FMNL3: variants seen among roughly 807,000 people sequenced by gnomAD.
FMNL3 encodes formin-like protein 3.
FMNL3 carries 57 observed loss-of-function variants against 119.6 expected under a neutral mutation model. The observed-to-expected ratio is 0.48, with a 90% CI of 0.39 to 0.59. FMNL3 has a LOEUF of 0.59. Ranked by LOEUF, FMNL3 falls within the 20% of genes least tolerant of loss-of-function variation. The pLI is 0.00. For missense variants in FMNL3, 1,053 were observed against 1,323.5 expected, an observed-to-expected ratio of 0.80 and a Z score of 3.17; for synonymous variants, 491 against 507.3, an observed-to-expected ratio of 0.97 and a Z score of 0.43.
intron 2 of FMNL3, among the ~76,000 whole-genome samples, chr12:49,666,417 A>G (rs993484795): frequency 6.6e-6 from 1 of 152,134 alleles, no homozygotes; most frequent in African/African-American, 2.4e-5. Flanking sequence ...TCCTCCTCCA[A>G]TTAGTGCTCC....
At position 49,642,734 on chromosome 12, in the gene FMNL3, AAC is replaced by A; in HGVS notation, c.*3079_*3080del. The A allele has an allele frequency of 2.6e-6, 4 of 1,558,000 alleles. No homozygotes were observed. Among genetic ancestry groups the A allele is most frequent in the Non-Finnish European group, 2.6e-6 (3 of 1,143,268 alleles). On this transcript the variant is annotated 3_prime_UTR_variant, in exon 26 of 26. Coordinates refer to ENST00000335154, the MANE Select transcript of FMNL3 (RefSeq NM_175736.5). This position sits in a 1 kb window ranked among gnomAD's most constrained non-coding sequence, Gnocchi z 5.8. ...GCCCTTGAACTCATTAGACCAGTTC[AAC>A]AGAGACCTCAGTGGCCTCCCTCTTA...
rs1942677902 is a variant in FMNL3, at chr12:49,641,716, A to T, written c.*4099T>A. On this transcript the variant is annotated 3_prime_UTR_variant, in exon 26 of 26. Transcript: ENST00000335154. ...TTCAGCTCTGTGTGACATCCAAACCAAGGGTAGGCATGGGGGCTTAATTGT... is the reference window on the plus strand; with the variant it reads ...TTCAGCTCTGTGTGACATCCAAACCTAGGGTAGGCATGGGGGCTTAATTGT... 1.7e-6 allele frequency: 1 copy of T among 586,054 alleles called. No homozygotes were observed. The highest frequency in any genetic ancestry group is 2.8e-5 in the East Asian group (1 of 35,604). 36.3% of individuals were successfully genotyped at this position (586,054 alleles called of 1,614,324 possible). A position where few individuals can be genotyped will look rare whatever the true frequency, so the allele number is the denominator to read the frequency against.
intron 6 of FMNL3, among the ~76,000 whole-genome samples, chr12:49,657,765 G>C (rs1444088169): frequency 3.3e-5 from 5 of 152,280 alleles, no homozygotes; most frequent in African/African-American, 1.2e-4. Flanking sequence ...CAGTGTCCAA[G>C]GGACACAACC....
At chr12:49,696,516 GAAT>G (rs1241715163) in intron 1 of FMNL3, among the ~76,000 whole-genome samples, 6 of 152,318 alleles carry the variant, frequency 3.9e-5, no homozygotes, top group East Asian at 1.9e-4. Flanking sequence ...TTTGTTTACA[GAAT>G]AATTACAAGG....
chr12:49,646,790 A>G, intron 25 of FMNL3, 96 bp downstream of exon 25: 1 of 1,454,048 alleles, frequency 6.9e-7, no homozygotes, highest in Non-Finnish European at 9.6e-7. Flanking sequence ...GTCAGGCCTC[A>G]TGGGGGGTGG....
intron 13 of FMNL3, among the ~76,000 whole-genome samples, chr12:49,652,853 T>C (rs1476974013): frequency 1.3e-5 from 2 of 152,152 alleles, no homozygotes; most frequent in Non-Finnish European, 2.9e-5. Flanking sequence ...GTGGACATCC[T>C]AATACACAGA....
At chr12:49,686,258 C>A (rs1470369877) in intron 1 of FMNL3, among the ~76,000 whole-genome samples, 1 of 150,570 alleles carries the variant, frequency 6.6e-6, no homozygotes, top group East Asian at 2.1e-4. Flanking sequence ...CAGGCATGAG[C>A]CACTGTGTCC....
chr12:49,648,909 CAGAA>C (rs1943301620), intron 21 of FMNL3, 116 bp downstream of exon 21: 2 of 1,439,738 alleles, frequency 1.4e-6, no homozygotes, highest in African/African-American at 2.9e-5. Context: ...TTGAAGTGGT[CAGAA>C]AGAAGATAAC....
intron 1 of FMNL3, among the ~76,000 whole-genome samples, chr12:49,668,943 G>A (rs1943965095): frequency 6.6e-6 from 1 of 152,110 alleles, no homozygotes; most frequent in African/African-American, 2.4e-5. Context: ...AATGTGACGG[G>A]AACATGAGAT....
At chr12:49,673,320 T>C (rs1474343247) in intron 1 of FMNL3, among the ~76,000 whole-genome samples, 2 of 152,186 alleles carry the variant, frequency 1.3e-5, no homozygotes, top group East Asian at 3.8e-4. Flanking sequence ...AGATGGAAAG[T>C]GGCAAGTGGA....
intron 1 of FMNL3, among the ~76,000 whole-genome samples, chr12:49,699,142 C>T (rs1035374273): frequency 1.3e-5 from 2 of 152,140 alleles, no homozygotes; most frequent in Non-Finnish European, 2.9e-5. Context: ...GGTCTGGAGA[C>T]GTGGGAGAAA....
intron 1 of FMNL3, among the ~76,000 whole-genome samples, chr12:49,706,300 T>TA (rs1334163756): frequency 2.0e-5 from 3 of 151,940 alleles, no homozygotes; most frequent in Non-Finnish European, 4.4e-5. Context: ...ACAGAAAGAC[T>TA]AAAAAGCACA....
intron 5 of FMNL3, among the ~76,000 whole-genome samples, chr12:49,659,531 C>T (rs1041787070): frequency 5.9e-5 from 9 of 152,160 alleles, no homozygotes; most frequent in Non-Finnish European, 1.0e-4. Flanking sequence ...CAGCCTCAGC[C>T]TCCCGAGTAG....
intron 1 of FMNL3, among the ~76,000 whole-genome samples, chr12:49,686,847 G>A (rs948127352): frequency 9.9e-5 from 15 of 152,090 alleles, no homozygotes; most frequent in Non-Finnish European, 2.2e-4. Flanking sequence ...TCTGACAACT[G>A]GAGCCAGGAA....
chr12:49,651,667 A>C (rs1251961594), intron 14 of FMNL3, among the ~76,000 whole-genome samples: 2 of 152,196 alleles, frequency 1.3e-5, no homozygotes, highest in Non-Finnish European at 2.9e-5. Flanking sequence ...CTACAGTCTA[A>C]GCCTCTCCTT....
intron 1 of FMNL3, among the ~76,000 whole-genome samples, chr12:49,670,498 G>A (rs1348062703): frequency 6.6e-6 from 1 of 152,108 alleles, no homozygotes. Flanking sequence ...GCTACTGGCT[G>A]GAAACGAGGT....
rs1941998504 is a variant in FMNL3 at position 49,637,514 on chromosome 12, G to A, written c.*8301C>T. 2 of 1,613,720 alleles carry A rather than the reference G, an allele frequency of 1.2e-6. No homozygotes were observed. The highest frequency in any genetic ancestry group is 1.7e-6 in the Non-Finnish European group (2 of 1,180,034). On this transcript the variant is annotated 3_prime_UTR_variant, in exon 26 of 26. Transcript: ENST00000335154. ...ATGAGACAGGGCAGCTGCACTCTAT[G>A]TCCACCTGGATGGAGCTATATCCAG...
intron 1 of FMNL3, among the ~76,000 whole-genome samples, chr12:49,700,409 A>AAAG (rs1944873771): frequency 2.7e-5 from 4 of 148,378 alleles, no homozygotes; most frequent in African/African-American, 1.0e-4. Flanking sequence ...AAAAAAAAAA[A>AAAG]AGAGATTTTA....
chr12:49,672,326 T>G (rs1298535295), intron 1 of FMNL3, among the ~76,000 whole-genome samples: 2 of 151,972 alleles, frequency 1.3e-5, no homozygotes, highest in Non-Finnish European at 1.5e-5. Flanking sequence ...AAGGAAGAAG[T>G]AAGGGAGGTA....
Sources: gnomAD v4.1 joint callset for allele counts (sites outside exome capture counted in the v4.1 genomes callset) on GRCh38, gnomAD v4.1.1 for gene constraint, Gnocchi (gnomAD v3.1) non-coding constraint, MANE v1.5 for transcripts, NCBI Gene and HGNC (gene_info 2026-07-23, HGNC 2026-07-21) for gene names.